The following SP2 variants were observed in gnomAD, a reference collection of about 807,000 sequenced individuals.
SP2 encodes Sp2 transcription factor, also known as transcription factor Sp2.
A neutral mutation model predicts 50.1 loss-of-function variants in SP2; 9 were observed. The observed-to-expected ratio is 0.18, with a 90% CI of 0.11 to 0.31. The LOEUF (loss-of-function observed/expected upper bound fraction) is 0.31. SP2 is among the 10% of genes least tolerant of loss of function. The pLI is 1.00. For synonymous variants in SP2, 313 were observed against 326.6 expected (o/e 0.96, Z 0.45); for missense variants, 581 against 806.5 (o/e 0.72, Z 3.39).
At chr17:47,923,592 C>T (rs1366670347) in intron 4 of SP2, among the ~76,000 whole-genome samples, 4 of 152,188 alleles carry the variant, frequency 2.6e-5, no homozygotes, top group Admixed American at 6.6e-5. Context: ...AGAAGGGAGC[C>T]CTGGCAGTCA....
chr17:47,903,895 C>T (rs866494933), intron 1 of SP2, among the ~76,000 whole-genome samples: 4 of 151,704 alleles, frequency 2.6e-5, no homozygotes, highest in Non-Finnish European at 4.4e-5. Flanking sequence ...ACCCGGGAGA[C>T]GGAGGTTGCA....
intron 1 of SP2, among the ~76,000 whole-genome samples, chr17:47,909,114 T>C (rs549038883): frequency 6.6e-6 from 1 of 152,348 alleles, no homozygotes; most frequent in African/African-American, 2.4e-5. Context: ...CCACAACCAT[T>C]GCTGCTGTCT....
At chr17:47,931,723 C>G (rs1198045179), downstream of SP2, among the ~76,000 whole-genome samples, 1 of 152,166 alleles carries the variant, frequency 6.6e-6, no homozygotes, top group African/African-American at 2.4e-5. Context: ...CTTCTAAGGC[C>G]TGGTCTGATC....
downstream of SP2, among the ~76,000 whole-genome samples, chr17:47,931,277 G>A (rs976527039): frequency 3.1e-4 from 47 of 152,258 alleles, 1 homozygote; most frequent in Middle Eastern, 3.4e-3. Flanking sequence ...AACCCAGTAG[G>A]CAGAGGTTGC....
At chr17:47,927,665 T>G in intron 6 of SP2, 59 bp from the exon 7 acceptor site, 1 of 1,219,718 alleles carries the variant, frequency 8.2e-7, no homozygotes, top group South Asian at 1.3e-5. Context: ...CCCACCTTTT[T>G]GGGCAGAGAC....
In SP2 at chr17:47,922,949, TGGCC is replaced by T; in HGVS notation, c.1060-12_1060-9del. 4 of 1,598,384 alleles carry T rather than the reference TGGCC, an allele frequency of 2.5e-6. No individual in the cohort carries two copies. The highest frequency in any genetic ancestry group is 3.4e-5 in the Admixed American group (2 of 59,224). On this transcript the variant is annotated splice_polypyrimidine_tract_variant and intron_variant, in intron 3 of 6. Transcript: ENST00000376741. ...CTTCCAGGCACTGATTTTTTTTCTCTGGCCCCTCCCAGGTCTACATCCGCACGCC... is the reference window on the plus strand; with the variant it reads ...CTTCCAGGCACTGATTTTTTTTCTCTCCTCCCAGGTCTACATCCGCACGCC...
chr17:47,905,910 C>T (rs189895655), intron 1 of SP2, among the ~76,000 whole-genome samples: 2 of 152,034 alleles, frequency 1.3e-5, no homozygotes, highest in Admixed American at 6.6e-5. Context: ...GACAGGGTGG[C>T]GTGTTTTAAT....
intron 3 of SP2, among the ~76,000 whole-genome samples, chr17:47,921,729 C>A (rs1409852650): frequency 6.6e-6 from 1 of 152,240 alleles, no homozygotes; most frequent in African/African-American, 2.4e-5. Flanking sequence ...CTTGTACCTT[C>A]CCTGCCCCAA....
chr17:47,903,464 G>A (rs746671371), intron 1 of SP2, among the ~76,000 whole-genome samples: 2 of 151,544 alleles, frequency 1.3e-5, no homozygotes, highest in Non-Finnish European at 1.5e-5. Context: ...TTAGGAGTTC[G>A]AGACCAGCCT....
At chr17:47,912,295 C>T (rs1187571217) in intron 1 of SP2, among the ~76,000 whole-genome samples, 1 of 152,200 alleles carries the variant, frequency 6.6e-6, no homozygotes, top group Non-Finnish European at 1.5e-5. Flanking sequence ...TGCCCTCCAG[C>T]TCCATACACA....
intron 1 of SP2, among the ~76,000 whole-genome samples, chr17:47,897,161 C>T (rs1375399496): frequency 2.6e-5 from 4 of 152,252 alleles, no homozygotes; most frequent in Non-Finnish European, 4.4e-5. Flanking sequence ...CTGTACCCAC[C>T]TCCATCCCCA....
rs2035753577 is a variant in SP2 at position 47,928,773 on chromosome 17, T to C, written c.*949T>C. 1 of 152,672 alleles carries C rather than the reference T, an allele frequency of 6.5e-6. No individual in the cohort carries two copies. The allele number at this position is 152,672 out of a possible 1,614,324, so 9.5% of individuals were successfully genotyped here. ...ACATGTTTAAAAACACATTGCTTGT[T>C]ATTTTTGAGGCTTTTAAATTAAACA... On this transcript the variant is annotated 3_prime_UTR_variant, in exon 7 of 7. Transcript: ENST00000376741.
intron 3 of SP2, among the ~76,000 whole-genome samples, chr17:47,919,367 TCTA>T (rs1371970819): frequency 6.6e-6 from 1 of 152,144 alleles, no homozygotes; most frequent in African/African-American, 2.4e-5. Flanking sequence ...CTATGATCAT[TCTA>T]CTGCATTTTA....
intron 1 of SP2, 38 bp downstream of exon 1, chr17:47,896,331 C>T (rs199825277): frequency 4.9e-6 from 6 of 1,234,506 alleles, no homozygotes; most frequent in Non-Finnish European, 6.1e-6. Flanking sequence ...CTTCCCGGCC[C>T]CCAAGGGTCA....
intron 1 of SP2, 134 bp downstream of exon 1, chr17:47,896,427 A>C: frequency 2.0e-6 from 1 of 497,574 alleles, no homozygotes; most frequent in Non-Finnish European, 2.9e-6. Flanking sequence ...GCCCGGCTTC[A>C]GGAGGGGCGG....
downstream of SP2, among the ~76,000 whole-genome samples, chr17:47,930,858 CA>C (rs1216062847): frequency 2.6e-5 from 4 of 152,280 alleles, no homozygotes; most frequent in East Asian, 7.7e-4. Flanking sequence ...CCTCTCTGTC[CA>C]GCTGACACTT....
In SP2 at chr17:47,919,825, C is replaced by CTTTTTTTTTTTTTTTTTTT. The variant is rs141856390; in HGVS notation, c.1059+2699_1059+2717dup. ...TTTGATCTGAAACACTTTGTCATTC[C>CTTTTTTTTTTTTTTTTTTT]TTTTTTTTTTTTTTTTTTTTTTCTG... On this transcript the variant is annotated intron_variant, in intron 3 of 6. Transcript: ENST00000376741. 7.9e-4 allele frequency among the ~76,000 whole-genome samples: 75 copies of CTTTTTTTTTTTTTTTTTTT among 94,798 alleles called. 2 individuals carry two copies. Among genetic ancestry groups the CTTTTTTTTTTTTTTTTTTT allele is most frequent in the South Asian group, 1.2e-3 (3 of 2,544 alleles). The allele number at this position is 94,798 out of a possible 152,430, so 62.2% of individuals were successfully genotyped here.
At chr17:47,922,529 T>C (rs2035499223) in intron 3 of SP2, among the ~76,000 whole-genome samples, 1 of 152,038 alleles carries the variant, frequency 6.6e-6, no homozygotes, top group African/African-American at 2.4e-5. Flanking sequence ...AGAAACTTTT[T>C]TTTTTTTGAG....
chr17:47,928,578 A>C lies in SP2; in HGVS notation c.*754A>C, dbSNP rs1332781487. The C allele has an allele frequency of 1.3e-5, 2 of 152,328 alleles. No homozygotes were observed. The highest frequency in any genetic ancestry group is 2.4e-5 in the African/African-American group (1 of 41,326). The allele number at this position is 152,328 out of a possible 1,614,324, so 9.4% of individuals were successfully genotyped here. On this transcript the variant is annotated 3_prime_UTR_variant, in exon 7 of 7. Transcript: ENST00000376741. ...ATGATGAGCATATGAATTTTTTCTC[A>C]CTCTAGCAATTCCCTTTTCTAAATG...
Sources: gnomAD v4.1 joint callset for allele counts (sites outside exome capture counted in the v4.1 genomes callset) on GRCh38, gnomAD v4.1.1 for gene constraint, MANE v1.5 for transcripts, NCBI Gene and HGNC (gene_info 2026-07-23, HGNC 2026-07-21) for gene names.